Variants in LRP1B observed in about 807,000 individuals in gnomAD.
The protein encoded by LRP1B is LDL receptor related protein 1B.
Under a neutral mutation model 556.6 loss-of-function variants are expected in LRP1B, and 217 were observed. That is an observed-to-expected ratio of 0.39 (90% CI 0.35 to 0.44). The LOEUF (loss-of-function observed/expected upper bound fraction) is 0.44, where lower values mean the gene tolerates loss of function less well. LRP1B is among the 20% of genes least tolerant of loss of function. LRP1B has a pLI of 1.00. For synonymous variants in LRP1B, 2,047 were observed against 1,865.8 expected (o/e 1.10, Z -2.50); for missense variants, 5,053 against 5,620.8 (o/e 0.90, Z 3.23).
rs1446048845 is a variant in LRP1B at position 141,013,754 on chromosome 2, T to G, written c.2191-9A>C. 15 of 1,498,836 alleles carry G rather than the reference T, an allele frequency of 1.0e-5. No homozygotes were observed. The highest frequency in any genetic ancestry group is 1.4e-5 in the African/African-American group (1 of 70,170). The allele number at this position is 1,498,836 out of a possible 1,614,324, so 92.8% of individuals were successfully genotyped here. A position where few individuals can be genotyped will look rare whatever the true frequency, so the allele number is the denominator to read the frequency against. On this transcript the variant is annotated splice_polypyrimidine_tract_variant and intron_variant, in intron 13 of 90. Coordinates refer to ENST00000389484, the MANE Select transcript of LRP1B (RefSeq NM_018557.3). The stretch of plus-strand genomic sequence containing the variant: ...CTCCCACTGTAAACAATCTGTAAAA[T>G]ATAAACACATTGTGAAAAATCAGAA...
intron 34 of LRP1B, among the ~76,000 whole-genome samples, chr2:140,769,760 C>T (rs1689243349): frequency 1.3e-5 from 2 of 151,906 alleles, no homozygotes; most frequent in East Asian, 1.9e-4. Flanking sequence ...CCAAACATCT[C>T]TTTACTTATA....
intron 37 of LRP1B, 85 bp from the exon 38 acceptor site, chr2:140,702,638 G>C (rs935087932): frequency 8.2e-7 from 1 of 1,213,816 alleles, no homozygotes; most frequent in Admixed American, 1.9e-5. Flanking sequence ...ACTAATAACA[G>C]CAGTAGCATT....
intron 3 of LRP1B, among the ~76,000 whole-genome samples, chr2:141,270,024 AG>A (rs1276882450): frequency 1.3e-5 from 2 of 152,158 alleles, no homozygotes; most frequent in Non-Finnish European, 2.9e-5. Context: ...ATAGAATGAC[AG>A]ACAATATTTG....
At chr2:141,104,730 G>T (rs1462284352) in intron 7 of LRP1B, among the ~76,000 whole-genome samples, 1 of 152,004 alleles carries the variant, frequency 6.6e-6, no homozygotes, top group African/African-American at 2.4e-5. Flanking sequence ...ACAATAATCA[G>T]CTGAAATTAA....
intron 77 of LRP1B, among the ~76,000 whole-genome samples, chr2:140,347,179 G>C (rs890903624): frequency 6.6e-6 from 1 of 151,580 alleles, no homozygotes; most frequent in Non-Finnish European, 1.5e-5. Flanking sequence ...TACAATTGTT[G>C]CATAATGCTG....
intron 18 of LRP1B, among the ~76,000 whole-genome samples, chr2:140,978,424 C>CA (rs1055999711): frequency 1.3e-4 from 19 of 151,594 alleles, no homozygotes; most frequent in African/African-American, 2.7e-4. Context: ...AATGTAAAAA[C>CA]AAAAAAAATG....
intron 1 of LRP1B, among the ~76,000 whole-genome samples, chr2:142,123,445 T>A (rs932929630): frequency 9.9e-5 from 15 of 151,984 alleles, no homozygotes; most frequent in Admixed American, 6.6e-4. Flanking sequence ...GGTGGTACCT[T>A]GATCTTACCT....
At chr2:141,678,063 A>T (rs1690955106) in intron 2 of LRP1B, among the ~76,000 whole-genome samples, 1 of 152,184 alleles carries the variant, frequency 6.6e-6, no homozygotes, top group African/African-American at 2.4e-5. Flanking sequence ...CTGAGGAATA[A>T]GGATATTCAA....
chr2:140,243,462 T>C (rs891007171), intron 87 of LRP1B, among the ~76,000 whole-genome samples: 1 of 151,156 alleles, frequency 6.6e-6, no homozygotes, highest in Non-Finnish European at 1.5e-5. Flanking sequence ...AATAGAACAA[T>C]ATTAGCATAA....
intron 2 of LRP1B, among the ~76,000 whole-genome samples, chr2:141,659,679 G>A (rs186220407): frequency 1.4e-3 from 210 of 152,098 alleles, no homozygotes; most frequent in African/African-American, 4.8e-3. Context: ...AACTGTGGCC[G>A]ACTAGATCTA....
intron 18 of LRP1B, among the ~76,000 whole-genome samples, chr2:140,957,879 C>G (rs1446365606): frequency 6.6e-6 from 1 of 151,258 alleles, no homozygotes; most frequent in African/African-American, 2.4e-5. Flanking sequence ...AATATCTCCT[C>G]CTAGTAGAAA....
chr2:141,208,456 T>TAG (rs1682379859), intron 6 of LRP1B: 1 of 152,266 alleles, frequency 6.6e-6, no homozygotes, highest in Non-Finnish European at 1.5e-5. Flanking sequence ...GCTACTGGCA[T>TAG]AGAGAGTACT....
chr2:141,526,345 G>A (rs896573852), intron 2 of LRP1B, among the ~76,000 whole-genome samples: 1 of 151,864 alleles, frequency 6.6e-6, no homozygotes, highest in African/African-American at 2.4e-5. Context: ...TAATTTTCCA[G>A]GTCTCAAGCA....
chr2:141,968,975 A>C (rs1032721464), intron 1 of LRP1B, among the ~76,000 whole-genome samples: 2 of 151,300 alleles, frequency 1.3e-5, no homozygotes, highest in African/African-American at 4.8e-5. Context: ...ACTTTCTTTC[A>C]GTTCTCTCTG....
intron 59 of LRP1B, among the ~76,000 whole-genome samples, chr2:140,476,534 A>T (rs554576082): frequency 6.6e-6 from 1 of 152,052 alleles, no homozygotes; most frequent in Non-Finnish European, 1.5e-5. Context: ...TAAAAAGGAA[A>T]GAGTTTTCAG....
At chr2:140,713,050 G>A (rs566223520) in intron 37 of LRP1B, among the ~76,000 whole-genome samples, 40 of 151,816 alleles carry the variant, frequency 2.6e-4, no homozygotes, top group African/African-American at 9.4e-4. Context: ...GGGTAACCTC[G>A]TACACTATCG....
At chr2:141,781,950 T>C (rs1695269050) in intron 2 of LRP1B, among the ~76,000 whole-genome samples, 1 of 152,176 alleles carries the variant, frequency 6.6e-6, no homozygotes, top group Non-Finnish European at 1.5e-5. Context: ...GTTCTCTTTT[T>C]AGCTCTCTGA....
intron 2 of LRP1B, among the ~76,000 whole-genome samples, chr2:141,582,665 T>C (rs574313494): frequency 1.3e-4 from 20 of 152,052 alleles, no homozygotes; most frequent in African/African-American, 4.8e-4. Context: ...AGATAAAATA[T>C]ACCATATGTG....
chr2:141,986,477 A>AT (rs1400086966), intron 1 of LRP1B, among the ~76,000 whole-genome samples: 4 of 151,586 alleles, frequency 2.6e-5, no homozygotes, highest in Non-Finnish European at 4.4e-5. Flanking sequence ...CTGCCAGGCT[A>AT]TTTTTTTTCT....
Sources: gnomAD v4.1 joint callset for allele counts (sites outside exome capture counted in the v4.1 genomes callset) on GRCh38, gnomAD v4.1.1 for gene constraint, MANE v1.5 for transcripts, NCBI Gene and HGNC (gene_info 2026-07-23, HGNC 2026-07-21) for gene names.